The following STK31 variants were observed in gnomAD, a reference collection of about 807,000 sequenced individuals.
STK31 encodes serine/threonine-protein kinase 31.
A neutral mutation model predicts 129.7 loss-of-function variants in STK31; 89 were observed. That is an observed-to-expected ratio of 0.69 (90% CI 0.58 to 0.82). STK31 has a LOEUF of 0.82. Among genes scored for constraint, STK31 ranks in the 40% least tolerant of loss-of-function variants. The pLI, the probability that STK31 is intolerant of heterozygous loss-of-function variation, is 0.00. For missense variants in STK31, 1,187 were observed against 1,176.4 expected (o/e 1.01, Z -0.13); for synonymous variants, 448 against 395.3 (o/e 1.13, Z -1.58).
intron 8 of STK31, among the ~76,000 whole-genome samples, chr7:23,740,103 G>A (rs186028950): frequency 5.3e-5 from 8 of 152,198 alleles, no homozygotes; most frequent in East Asian, 1.9e-4. Flanking sequence ...TCCTGTCCAC[G>A]AGCATGGAAT....
At chr7:23,715,696 C>G (rs1247433480) in intron 3 of STK31, among the ~76,000 whole-genome samples, 1 of 152,074 alleles carries the variant, frequency 6.6e-6, no homozygotes, top group East Asian at 1.9e-4. Flanking sequence ...TCTCTTGTTT[C>G]TCAGGGTCAG....
intron 23 of STK31, among the ~76,000 whole-genome samples, chr7:23,827,458 A>T (rs1407200974): frequency 6.6e-6 from 1 of 152,092 alleles, no homozygotes; most frequent in Non-Finnish European, 1.5e-5. Context: ...GAGGTCCTTT[A>T]AGGACTTCTC....
intron 12 of STK31, 113 bp downstream of exon 12, chr7:23,769,287 T>C: frequency 9.8e-7 from 1 of 1,018,190 alleles, no homozygotes; most frequent in South Asian, 3.4e-5. Flanking sequence ...TGTATCAGAT[T>C]TAAAATTGCC....
chr7:23,788,163 A>T (rs768828140), intron 21 of STK31, 34 bp downstream of exon 21: 1 of 1,560,202 alleles, frequency 6.4e-7, no homozygotes, highest in Non-Finnish European at 8.7e-7. Context: ...TAGGTTCTAG[A>T]CTTTATTTAA....
At chr7:23,761,606 G>A (rs983329507) in intron 10 of STK31, among the ~76,000 whole-genome samples, 2 of 151,440 alleles carry the variant, frequency 1.3e-5, no homozygotes, top group Admixed American at 6.6e-5. Context: ...ATTTTTAGTA[G>A]AGATGGGGTT....
At chr7:23,769,587 G>T in intron 12 of STK31, 53 bp from the exon 13 acceptor site, 2 of 1,236,222 alleles carry the variant, frequency 1.6e-6, no homozygotes, top group Non-Finnish European at 2.4e-6. Context: ...AAGGCACGAT[G>T]AATGCTGATT....
Position 23,747,184 on chromosome 7 carries a change from C to T in STK31, c.1018-5533C>T, listed in dbSNP as rs77864315. 2.8e-4 allele frequency among the ~76,000 whole-genome samples: 42 copies of T among 152,186 alleles called. No individual in the cohort carries two copies. In the East Asian group the frequency reaches 8.1e-3, roughly 29 times the overall value. On this transcript the variant is annotated intron_variant, in intron 8 of 23. Transcript: ENST00000355870. ...TTCAGTATTAGGGTGATGCTGGCCT[C>T]ATGGAATGAGTTTGGAAGTATTTCC...
chr7:23,774,278 A>T (rs1790394652), intron 15 of STK31, among the ~76,000 whole-genome samples: 1 of 152,118 alleles, frequency 6.6e-6, no homozygotes, highest in Non-Finnish European at 1.5e-5. Flanking sequence ...ATGATTTATA[A>T]TCCTTTGGGT....
intron 10 of STK31, among the ~76,000 whole-genome samples, chr7:23,755,681 G>A (rs866848437): frequency 7.2e-5 from 11 of 152,314 alleles, no homozygotes; most frequent in African/African-American, 2.6e-4. Flanking sequence ...TTTGTGTAAA[G>A]TGTAAGGAAG....
intron 22 of STK31, among the ~76,000 whole-genome samples, chr7:23,808,970 T>TGTGTGCGCGCGC (rs60631283): frequency 1.1e-3 from 158 of 139,660 alleles, no homozygotes; most frequent in African/African-American, 4.1e-3. Flanking sequence ...TGTGTGTGTG[T>TGTGTGCGCGCGC]GCCTGTGTCT....
chr7:23,792,258 C>G (rs1318453982), intron 22 of STK31, among the ~76,000 whole-genome samples: 2 of 152,050 alleles, frequency 1.3e-5, no homozygotes, highest in Non-Finnish European at 2.9e-5. Context: ...TACATAAAAG[C>G]TACTAGAACA....
At chr7:23,742,390 G>A (rs1373368962) in intron 8 of STK31, among the ~76,000 whole-genome samples, 3 of 152,208 alleles carry the variant, frequency 2.0e-5, no homozygotes, top group Non-Finnish European at 4.4e-5. Flanking sequence ...TACAGTGGCT[G>A]CAGCCATGTC....
chr7:23,787,581 T>C (rs1006395087), intron 20 of STK31, among the ~76,000 whole-genome samples: 1 of 152,134 alleles, frequency 6.6e-6, no homozygotes, highest in African/African-American at 2.4e-5. Context: ...TAAACTCTAT[T>C]GTGAACTGTG....
At chr7:23,754,771 T>G (rs1788951123) in intron 10 of STK31, among the ~76,000 whole-genome samples, 1 of 152,184 alleles carries the variant, frequency 6.6e-6, no homozygotes, top group East Asian at 1.9e-4. Flanking sequence ...ATTCTTGTGT[T>G]AGTTTGCCGA....
At chr7:23,788,940 T>C (rs959303728) in intron 21 of STK31, among the ~76,000 whole-genome samples, 1 of 152,152 alleles carries the variant, frequency 6.6e-6, no homozygotes, top group Admixed American at 6.5e-5. Flanking sequence ...AGAAAATCCA[T>C]ACTGATTAGC....
chr7:23,761,353 G>A (rs1182542019), intron 10 of STK31, among the ~76,000 whole-genome samples: 5 of 150,804 alleles, frequency 3.3e-5, no homozygotes, highest in African/African-American at 1.2e-4. Flanking sequence ...ACTTATTTTG[G>A]TTTAGAATTG....
rs529323089 is a variant in STK31, at chr7:23,830,990, A to T, written c.2830-1146A>T. Among the ~76,000 whole-genome samples, 15 of 152,206 alleles carry T rather than the reference A, an allele frequency of 9.9e-5. No individual in the cohort carries two copies. The South Asian group carries it at 3.1e-3, about 32-fold the overall frequency. ...TAGTTTTCCATTGTGGTCTGAGATG[A>T]TACTGGATATGATTTTAATTTTAAA... On this transcript the variant is annotated intron_variant, in intron 23 of 23. Transcript: ENST00000355870.
intron 22 of STK31, among the ~76,000 whole-genome samples, chr7:23,799,399 A>G (rs1165660357): frequency 6.6e-6 from 1 of 152,180 alleles, no homozygotes; most frequent in Non-Finnish European, 1.5e-5. Context: ...AGATATATAG[A>G]CCAATGGAAC....
chr7:23,779,957 A>C (rs1023267322), intron 15 of STK31, among the ~76,000 whole-genome samples: 1 of 152,118 alleles, frequency 6.6e-6, no homozygotes, highest in Admixed American at 6.5e-5. Context: ...AACCCAGGGC[A>C]CTGGTGATGT....
Sources: allele counts gnomAD v4.1 joint callset (sites outside exome capture counted in the v4.1 genomes callset), GRCh38; gene constraint gnomAD v4.1.1; transcripts MANE v1.5; gene names NCBI Gene and HGNC (gene_info 2026-07-23, HGNC 2026-07-21).